The following NFRKB variants were observed in gnomAD, a reference collection of about 807,000 sequenced individuals.
NFRKB encodes nuclear factor related to kappaB binding protein, also known as nuclear factor related to kappa-B-binding protein.
In NFRKB, 62 loss-of-function variants were observed where a neutral mutation model predicts 135.7. That is an observed-to-expected ratio of 0.46 (90% CI 0.37 to 0.56). The LOEUF is 0.56. Among genes scored for constraint, NFRKB ranks in the 20% least tolerant of loss-of-function variants. NFRKB has a pLI of 0.00. For missense variants in NFRKB, 1,545 were observed against 1,662.0 expected, an observed-to-expected ratio of 0.93 and a Z score of 1.22; for synonymous variants, 678 against 635.6, an observed-to-expected ratio of 1.07 and a Z score of -1.00.
chr11:129,883,267 CTT>C, intron 8 of NFRKB, 61 bp from the exon 9 acceptor site: 1 of 1,300,484 alleles, frequency 7.7e-7, no homozygotes, highest in South Asian at 1.2e-5. Flanking sequence ...ACTGAGGTGA[CTT>C]TGCCAATTTA....
At position 129,874,072 on chromosome 11, in the gene NFRKB, G is replaced by T. The variant is rs1184631150; in HGVS notation, c.2279+41C>A. The T allele has an allele frequency of 6.3e-7, 1 of 1,581,592 alleles. No individual in the cohort carries two copies. Among genetic ancestry groups the T allele is most frequent in the East Asian group, 2.3e-5 (1 of 44,382 alleles). On this transcript the variant is annotated intron_variant, in intron 21 of 26. Transcript: ENST00000682444. The surrounding 1 kb of genome is among the most constrained non-coding windows in gnomAD (Gnocchi z 4.5). Reference sequence around the variant, plus strand: ...AAAAACTTAGGACATGCATACAAAAGAACTCTAGAACGAAAAAGCTGAAGA... The same window carrying T: ...AAAAACTTAGGACATGCATACAAAATAACTCTAGAACGAAAAAGCTGAAGA...
At chr11:129,871,373 C>T (rs1948496291) in intron 23 of NFRKB, among the ~76,000 whole-genome samples, 1 of 152,136 alleles carries the variant, frequency 6.6e-6, no homozygotes, top group Non-Finnish European at 1.5e-5. Flanking sequence ...CCCCAAAAGC[C>T]ACCAATCCAC....
At position 129,875,610 on chromosome 11, in the gene NFRKB, C is replaced by A. The variant is rs560169859; in HGVS notation, c.1748-147G>T. The A allele has an allele frequency of 1.5e-4, 88 of 576,568 alleles. No homozygotes were observed. The African/African-American group carries it at 1.6e-3, about 11-fold the overall frequency. 35.7% of individuals were successfully genotyped at this position (576,568 alleles called of 1,614,324 possible). Reference sequence around the variant, plus strand: ...TGCCGGATTAGGTGCACTCTGCCCTCCAGCAGCTGGCAGCTCAGCCACTGG... The same window carrying A: ...TGCCGGATTAGGTGCACTCTGCCCTACAGCAGCTGGCAGCTCAGCCACTGG... On this transcript the variant is annotated intron_variant, in intron 17 of 26. Transcript: ENST00000682444.
intron 10 of NFRKB, 80 bp downstream of exon 10, chr11:129,882,371 G>C: frequency 7.3e-6 from 11 of 1,501,924 alleles, no homozygotes; most frequent in Non-Finnish European, 9.9e-6. Flanking sequence ...TTACAGCTAC[G>C]ACAAGCCCTA....
chr11:129,875,652 C>CTTTT (rs761583169), intron 17 of NFRKB, among the ~76,000 whole-genome samples, 189 bp from the exon 18 acceptor site: 189 of 101,748 alleles, frequency 1.9e-3, no homozygotes, highest in Non-Finnish European at 2.7e-3. Flanking sequence ...CTATACACTT[C>CTTTT]TTTTTTTTTT....
intron 2 of NFRKB, chr11:129,893,389 CAA>C (rs375172554): frequency 4.2e-3 from 483 of 115,246 alleles, no homozygotes; most frequent in Middle Eastern, 0.011. Flanking sequence ...CCCTTCTCTA[CAA>C]AAAAAAAAAA....
intron 23 of NFRKB, among the ~76,000 whole-genome samples, chr11:129,870,895 AT>A (rs1267676484): frequency 6.6e-6 from 1 of 151,910 alleles, no homozygotes; most frequent in African/African-American, 2.4e-5. Context: ...AAAACAACCA[AT>A]CCTGGCTAAC....
intron 6 of NFRKB, among the ~76,000 whole-genome samples, chr11:129,885,164 C>T (rs1188210690): frequency 2.0e-5 from 3 of 152,180 alleles, no homozygotes; most frequent in South Asian, 2.1e-4. Flanking sequence ...AGAACCCCGT[C>T]GTGCAGGGAG....
Position 129,881,848 on chromosome 11 carries a change from C to G in NFRKB, c.1197G>C (p.Glu399Asp). The G allele has an allele frequency of 6.2e-7, 1 of 1,601,780 alleles. No individual in the cohort carries two copies. The highest frequency in any genetic ancestry group is 1.3e-5 in the African/African-American group (1 of 74,300). ...ATGACTGCCAATCCAAAACTCGCTC[C>G]TCTAGCTGAGGGAAAGCAAAGGCAG... is the stretch of plus-strand genomic sequence containing the variant. The part of the protein sequence containing the change: ...LESQASLPML[E>D]ERVLDWQSSP... The change falls in exon 12 of 27, where the codon GAG (glutamate) becomes GAC (aspartate). Residue 399 changes from glutamate to aspartate, a missense_variant. Glu to Asp is a conservative substitution (Grantham distance 45). Around this residue, in one of 3 missense-constraint regions of NFRKB, gnomAD observed 678 missense variants for 646.7 expected, o/e 1.05. Transcript: ENST00000682444.
intron 24 of NFRKB, among the ~76,000 whole-genome samples, chr11:129,868,493 G>C (rs1404731163): frequency 6.6e-6 from 1 of 152,226 alleles, no homozygotes; most frequent in Non-Finnish European, 1.5e-5. Flanking sequence ...ACATGTGGAT[G>C]TGGCCTTTCA....
At chr11:129,893,241 C>T (rs573426805) in intron 2 of NFRKB, 65 of 561,346 alleles carry the variant, frequency 1.2e-4, no homozygotes, top group African/African-American at 1.1e-3. Flanking sequence ...TCTGTAACAA[C>T]TGTTTTTTAG....
At chr11:129,884,633 G>A in intron 7 of NFRKB, 112 bp downstream of exon 7, 2 of 1,262,446 alleles carry the variant, frequency 1.6e-6, no homozygotes, top group Non-Finnish European at 2.2e-6. Context: ...GTTCTAGGGA[G>A]TTTTGTTTTC....
chr11:129,892,562 T>G lies in NFRKB; in HGVS notation c.135+153A>C, dbSNP rs1205202839. The G allele has an allele frequency of 1.9e-5, 14 of 730,966 alleles. No individual in the cohort carries two copies. The African/African-American group carries it at 2.1e-4, about 11-fold the overall frequency. The allele number at this position is 730,966 out of a possible 1,614,324, so 45.3% of individuals were successfully genotyped here. A position where few individuals can be genotyped will look rare whatever the true frequency, so the allele number is the denominator to read the frequency against. The stretch of plus-strand genomic sequence containing the variant: ...ATCGGATATTAAATAGACTCTAAAC[T>G]TAAAAAAAAGATAAGAGATCAGGCT... On this transcript the variant is annotated intron_variant, in intron 3 of 26. Coordinates refer to ENST00000682444, the MANE Select transcript of NFRKB (RefSeq NM_001143835.2).
In NFRKB at chr11:129,881,458, G is replaced by T; in HGVS notation, c.1369C>A (p.Gln457Lys). 6.2e-7 allele frequency: 1 copy of T among 1,614,124 alleles called. No homozygotes were observed. Among genetic ancestry groups the T allele is most frequent in the Non-Finnish European group, 8.5e-7 (1 of 1,180,000 alleles). The change falls in exon 13 of 27, where the codon CAG becomes AAG. Residue 457 changes from glutamine to lysine, a missense_variant. Gln to Lys is a moderately conservative substitution (Grantham distance 53). Around this residue, in one of 3 missense-constraint regions of NFRKB, gnomAD observed 678 missense variants for 646.7 expected, o/e 1.05. Coordinates refer to ENST00000682444, the MANE Select transcript of NFRKB (RefSeq NM_001143835.2). ...GATCACTTACCAAGCAACTTCCACTGCTGGGTTTTCTCTTTGAATTCAACA... is the reference window on the plus strand; with the variant it reads ...GATCACTTACCAAGCAACTTCCACTTCTGGGTTTTCTCTTTGAATTCAACA... ...PFVEFKEKTQ[Q>K]WKLLGQSQDN...
intron 25 of NFRKB, 39 bp downstream of exon 25, chr11:129,865,838 A>G (rs1948162687): frequency 6.3e-7 from 1 of 1,594,758 alleles, no homozygotes; most frequent in Non-Finnish European, 8.6e-7. Flanking sequence ...TGCCACCTCC[A>G]CCCCCGAATT....
At position 129,882,273 on chromosome 11, in the gene NFRKB, A is replaced by G. The variant is rs1482321476; in HGVS notation, c.1083-79T>C. The stretch of plus-strand genomic sequence containing the variant: ...ATTGATTCAGGCGCCCAAGCCTCCT[A>G]GCAGTCATAAAAGAGTTCAAGAAAG... On this transcript the variant is annotated intron_variant, in intron 10 of 26. Coordinates refer to ENST00000682444, the MANE Select transcript of NFRKB (RefSeq NM_001143835.2). 44 of 1,390,680 alleles carry G rather than the reference A, an allele frequency of 3.2e-5. No individual in the cohort carries two copies. In the East Asian group the frequency reaches 4.8e-4, roughly 15 times the overall value. 86.1% of individuals were successfully genotyped at this position (1,390,680 alleles called of 1,614,324 possible).
rs775980995 is a variant in NFRKB, at chr11:129,872,898, T to C, written c.2749A>G (p.Asn917Asp). The C allele has an allele frequency of 5.6e-6, 9 of 1,609,756 alleles. No individual in the cohort carries two copies. The highest frequency in any genetic ancestry group is 1.6e-4 in the Middle Eastern group (1 of 6,068). Residue 917 changes from asparagine (N) to aspartate (D), a missense_variant, in exon 23 of 27, where the codon AAC becomes GAC. Coordinates refer to ENST00000682444, the MANE Select transcript of NFRKB (RefSeq NM_001143835.2). ...AAVIQNVTGQ[N>D]IIKQVAITGQ... is the part of the protein sequence containing the mutation. ...GCCCCACCTACCTGCTTGATGATGT[T>C]CTGTCCTGTGACATTTTGAATGACG...
Position 129,883,285 on chromosome 11 carries a change from C to T in NFRKB, c.817-79G>A, listed in dbSNP as rs577583666. 31 of 981,872 alleles carry T rather than the reference C, an allele frequency of 3.2e-5. 1 individual carries two copies. The South Asian group carries it at 3.2e-4, about 10-fold the overall frequency. 60.8% of individuals were successfully genotyped at this position (981,872 alleles called of 1,614,324 possible). On this transcript the variant is annotated intron_variant, in intron 8 of 26. Transcript: ENST00000682444. ...GAGGTGACTTTGCCAATTTATGTAA[C>T]AATTAGATGTTAGGTACACTTGGGG...
Position 129,891,007 on chromosome 11 carries a change from T to C in NFRKB, c.135+1708A>G, listed in dbSNP as rs542600104. On this transcript the variant is annotated intron_variant, in intron 3 of 26. Transcript: ENST00000682444. ...ATAACAATGTATAACATTTATTCAT[T>C]TCCCACTGAAAGACTTCCCAGTGGA... Among the ~76,000 whole-genome samples, 18 of 152,364 alleles carry C rather than the reference T, an allele frequency of 1.2e-4. 1 individual carries two copies. In the South Asian group the frequency reaches 3.7e-3, roughly 32 times the overall value.
Sources: allele counts gnomAD v4.1 joint callset (sites outside exome capture counted in the v4.1 genomes callset), GRCh38; gene constraint gnomAD v4.1.1; regional missense constraint gnomAD v4.1.1; non-coding constraint Gnocchi (gnomAD v3.1); transcripts MANE v1.5; gene names NCBI Gene and HGNC (gene_info 2026-07-23, HGNC 2026-07-21).